CDH12: variants seen among roughly 807,000 people sequenced by gnomAD.
CDH12 encodes the protein cadherin-12.
CDH12 carries 41 observed loss-of-function variants against 74.1 expected under a neutral mutation model. The ratio of observed to expected loss-of-function variants is 0.55; its 90% CI spans 0.43 to 0.72. The LOEUF (loss-of-function observed/expected upper bound fraction) is 0.72, where lower values mean the gene tolerates loss of function less well. Ranked by LOEUF, CDH12 falls within the 30% of genes least tolerant of loss-of-function variation. CDH12 has a pLI of 0.00. For missense variants in CDH12, 945 were observed against 977.2 expected, an observed-to-expected ratio of 0.97 and a Z score of 0.44; for synonymous variants, 399 against 355.0, an observed-to-expected ratio of 1.12 and a Z score of -1.39.
chr5:22,796,332 C>T (rs1748207566), intron 1 of CDH12, among the ~76,000 whole-genome samples: 1 of 152,096 alleles, frequency 6.6e-6, no homozygotes, highest in Admixed American at 6.5e-5. Flanking sequence ...TTTGTTTCTT[C>T]ATGTCCTTGA....
At chr5:22,343,805 GAC>G (rs1375057106) in intron 3 of CDH12, among the ~76,000 whole-genome samples, 1 of 152,146 alleles carries the variant, frequency 6.6e-6, no homozygotes, top group Non-Finnish European at 1.5e-5. Flanking sequence ...GGTTATATTT[GAC>G]AGTCACTTGC....
intron 3 of CDH12, among the ~76,000 whole-genome samples, chr5:22,367,534 G>T (rs80129676): frequency 2.0e-4 from 31 of 152,256 alleles, no homozygotes; most frequent in Non-Finnish European, 3.2e-4. Context: ...TGCTGAGTCT[G>T]ATGTCATGAC....
At position 22,351,641 on chromosome 5, in the gene CDH12, T is replaced by C. The variant is rs867520123; in HGVS notation, c.-333+53616A>G. 4.6e-5 allele frequency among the ~76,000 whole-genome samples: 7 copies of C among 152,188 alleles called. No homozygotes were observed. The South Asian group carries it at 8.3e-4, about 18-fold the overall frequency. On this transcript the variant is annotated intron_variant, in intron 3 of 14. Coordinates refer to ENST00000382254, the MANE Select transcript of CDH12 (RefSeq NM_004061.5). ...TTCGTGTCTCACCAATTTATACTAA[T>C]TGAAAAAAATCATAGTTGCAGAATT...
At chr5:21,940,711 G>T (rs923313149) in intron 6 of CDH12, among the ~76,000 whole-genome samples, 11 of 152,036 alleles carry the variant, frequency 7.2e-5, no homozygotes, top group Middle Eastern at 3.2e-3. Context: ...GTTTCATATA[G>T]TATATATCTG....
Position 22,099,756 on chromosome 5 carries a change from G to T in CDH12, c.-186-20894C>A, listed in dbSNP as rs550671869. ...TGAAGTAAATAAATAATCTTTGCTGGCAGAACTATGCTGAATCTCCTTAGG... is the reference window on the plus strand; with the variant it reads ...TGAAGTAAATAAATAATCTTTGCTGTCAGAACTATGCTGAATCTCCTTAGG... On this transcript the variant is annotated intron_variant, in intron 4 of 14. Coordinates refer to ENST00000382254, the MANE Select transcript of CDH12 (RefSeq NM_004061.5). Among the ~76,000 whole-genome samples the T allele has an allele frequency of 3.0e-3, 458 of 152,256 alleles. 2 individuals are homozygous for T. The highest frequency in any genetic ancestry group is 4.9e-3 in the Non-Finnish European group (331 of 68,020).
At chr5:22,750,268 T>C (rs1745497791) in intron 1 of CDH12, among the ~76,000 whole-genome samples, 2 of 152,098 alleles carry the variant, frequency 1.3e-5, no homozygotes, top group South Asian at 4.1e-4. Flanking sequence ...AAAGGAAAAC[T>C]GGGTTCGCAT....
chr5:22,416,232 G>T (rs369515632), intron 2 of CDH12, among the ~76,000 whole-genome samples: 2 of 150,586 alleles, frequency 1.3e-5, no homozygotes, highest in South Asian at 4.2e-4. Flanking sequence ...CCGCCACCAC[G>T]CCCGGCTAAT....
At chr5:22,619,254 A>T (rs2126837334) in intron 1 of CDH12, among the ~76,000 whole-genome samples, 1 of 152,168 alleles carries the variant, frequency 6.6e-6, no homozygotes, top group Middle Eastern at 3.4e-3. Context: ...TACTTGGTGA[A>T]TATTTCCAGA....
intron 6 of CDH12, among the ~76,000 whole-genome samples, chr5:21,905,499 G>A (rs1753598892): frequency 6.6e-6 from 1 of 152,120 alleles, no homozygotes; most frequent in African/African-American, 2.4e-5. Context: ...AAGCACATCT[G>A]CCCTATAATT....
At chr5:21,892,271 G>C (rs928530175) in intron 6 of CDH12, among the ~76,000 whole-genome samples, 3 of 152,202 alleles carry the variant, frequency 2.0e-5, no homozygotes, top group South Asian at 4.1e-4. Context: ...GTTTAGTCAT[G>C]TAGATGTTCG....
At chr5:22,736,689 A>T (rs1274062325) in intron 1 of CDH12, among the ~76,000 whole-genome samples, 2 of 151,904 alleles carry the variant, frequency 1.3e-5, no homozygotes, top group East Asian at 3.9e-4. Context: ...AAAAACTGGC[A>T]ATACAACCTG....
intron 1 of CDH12, among the ~76,000 whole-genome samples, chr5:22,510,569 C>CT (rs1264811704): frequency 6.6e-6 from 1 of 152,046 alleles, no homozygotes; most frequent in African/African-American, 2.4e-5. Flanking sequence ...CAGGACCCTC[C>CT]TAGGTATCAA....
chr5:22,260,953 T>C (rs1392675644), intron 3 of CDH12, among the ~76,000 whole-genome samples: 2 of 151,946 alleles, frequency 1.3e-5, no homozygotes, highest in African/African-American at 4.8e-5. Context: ...AGAGAGCCCA[T>C]TTCAGTTATA....
At chr5:21,790,815 C>G (rs1746451735) in intron 10 of CDH12, among the ~76,000 whole-genome samples, 1 of 151,922 alleles carries the variant, frequency 6.6e-6, no homozygotes, top group Non-Finnish European at 1.5e-5. Context: ...ATTTTCTTAT[C>G]TGGCATCAAG....
chr5:22,007,380 A>C (rs1409391176), intron 5 of CDH12, among the ~76,000 whole-genome samples: 1 of 152,184 alleles, frequency 6.6e-6, no homozygotes, highest in African/African-American at 2.4e-5. Flanking sequence ...TATATTAATT[A>C]GCTTGATTTA....
At chr5:22,228,099 A>G (rs1413612687) in intron 3 of CDH12, among the ~76,000 whole-genome samples, 2 of 152,116 alleles carry the variant, frequency 1.3e-5, no homozygotes, top group South Asian at 2.1e-4. Context: ...ATATATCAGT[A>G]ACTACATTTA....
At chr5:22,596,853 C>A (rs1736630191) in intron 1 of CDH12, among the ~76,000 whole-genome samples, 1 of 152,182 alleles carries the variant, frequency 6.6e-6, no homozygotes, top group African/African-American at 2.4e-5. Flanking sequence ...TCCACCAGAA[C>A]TGTTACTCTT....
intron 1 of CDH12, among the ~76,000 whole-genome samples, chr5:22,547,899 C>A (rs951569386): frequency 3.9e-5 from 6 of 152,142 alleles, no homozygotes; most frequent in African/African-American, 1.4e-4. Flanking sequence ...CCCATGGAAA[C>A]CTTCTCCCCA....
At chr5:22,479,265 T>C (rs2126620409) in intron 2 of CDH12, among the ~76,000 whole-genome samples, 1 of 152,364 alleles carries the variant, frequency 6.6e-6, no homozygotes, top group African/African-American at 2.4e-5. Flanking sequence ...GCATTCTTAA[T>C]TTTGGTAACA....
Sources: allele counts gnomAD v4.1 joint callset (sites outside exome capture counted in the v4.1 genomes callset), GRCh38; gene constraint gnomAD v4.1.1; transcripts MANE v1.5; gene names NCBI Gene and HGNC (gene_info 2026-07-23, HGNC 2026-07-21).